The following SORCS2 variants were observed in gnomAD, a reference collection of about 807,000 sequenced individuals.
SORCS2 encodes the protein sortilin related VPS10 domain containing receptor 2.
Under a neutral mutation model 141.6 loss-of-function variants are expected in SORCS2, and 100 were observed. That is an observed-to-expected ratio of 0.71 (90% CI 0.60 to 0.83). The LOEUF (loss-of-function observed/expected upper bound fraction) is 0.83, where lower values mean the gene tolerates loss of function less well. Among genes scored for constraint, SORCS2 ranks in the 40% least tolerant of loss-of-function variants. The pLI is 0.00. For missense variants in SORCS2, 1,646 were observed against 1,560.2 expected (o/e 1.05, Z -0.93); for synonymous variants, 789 against 676.9 (o/e 1.17, Z -2.57).
At chr4:7,202,496 C>T (rs570118395) in intron 1 of SORCS2, among the ~76,000 whole-genome samples, 2 of 152,346 alleles carry the variant, frequency 1.3e-5, no homozygotes, top group East Asian at 3.9e-4. Flanking sequence ...CTCACACCAG[C>T]TCGAAGATCT....
intron 2 of SORCS2, among the ~76,000 whole-genome samples, chr4:7,503,961 G>A (rs1053302935): frequency 2.0e-5 from 3 of 152,134 alleles, no homozygotes; most frequent in East Asian, 1.9e-4. Flanking sequence ...CCTCCCTGTC[G>A]GACTTGGTCT....
chr4:7,667,483 A>G (rs1722571168), intron 8 of SORCS2, among the ~76,000 whole-genome samples: 1 of 152,110 alleles, frequency 6.6e-6, no homozygotes, highest in Admixed American at 6.6e-5. Flanking sequence ...ACCCTTGCAC[A>G]TGTGGTATTT....
intron 2 of SORCS2, among the ~76,000 whole-genome samples, chr4:7,463,179 A>C (rs919094388): frequency 1.3e-5 from 2 of 151,994 alleles, no homozygotes; most frequent in Admixed American, 1.3e-4. Flanking sequence ...GGTGCTGACC[A>C]CTCTGTTGAG....
At chr4:7,473,175 G>A (rs1421321315) in intron 2 of SORCS2, among the ~76,000 whole-genome samples, 1 of 152,174 alleles carries the variant, frequency 6.6e-6, no homozygotes, top group Non-Finnish European at 1.5e-5. Flanking sequence ...ACTGCTTCCA[G>A]AACAAACATC....
chr4:7,526,716 C>T (rs982922066), intron 2 of SORCS2, among the ~76,000 whole-genome samples: 1 of 152,116 alleles, frequency 6.6e-6, no homozygotes, highest in Non-Finnish European at 1.5e-5. Context: ...ATTGTAAGAG[C>T]GAGTCTCTCA....
intron 9 of SORCS2, 113 bp from the exon 10 acceptor site, chr4:7,682,630 G>C (rs967749158): frequency 1.9e-6 from 2 of 1,053,792 alleles, no homozygotes; most frequent in East Asian, 5.2e-5. Context: ...TTGTGACTGT[G>C]AAATGAGGCC....
chr4:7,303,763 C>T (rs1717601286), intron 1 of SORCS2, among the ~76,000 whole-genome samples: 1 of 152,254 alleles, frequency 6.6e-6, no homozygotes, highest in South Asian at 2.1e-4. Flanking sequence ...AGGAAAACAC[C>T]TTCTAAGGCC....
intron 2 of SORCS2, among the ~76,000 whole-genome samples, chr4:7,426,211 G>C (rs189539033): frequency 5.6e-4 from 85 of 152,338 alleles, no homozygotes; most frequent in African/African-American, 1.4e-3. Context: ...TTTACCTTGT[G>C]GGGGGAAGCC....
chr4:7,397,602 C>G (rs969855300), intron 2 of SORCS2, among the ~76,000 whole-genome samples: 64 of 152,264 alleles, frequency 4.2e-4, no homozygotes, highest in African/African-American at 1.3e-3. Context: ...GCTTTGTGTG[C>G]TGGTGGGGTT....
chr4:7,429,492 A>G (rs146161350), intron 2 of SORCS2, among the ~76,000 whole-genome samples: 52 of 152,382 alleles, frequency 3.4e-4, no homozygotes, highest in African/African-American at 1.2e-3. Flanking sequence ...TGGAAATCAC[A>G]GTGTAACTTA....
intron 3 of SORCS2, among the ~76,000 whole-genome samples, chr4:7,612,648 C>G: frequency 6.6e-6 from 1 of 152,206 alleles, no homozygotes; most frequent in East Asian, 1.9e-4. Context: ...GGAGCTCTTG[C>G]CACCTGCCTC....
At chr4:7,498,417 C>T (rs1403308562) in intron 2 of SORCS2, among the ~76,000 whole-genome samples, 2 of 152,242 alleles carry the variant, frequency 1.3e-5, no homozygotes, top group South Asian at 2.1e-4. Context: ...CCAGAATGTA[C>T]AGGCAAGACG....
intron 4 of SORCS2, among the ~76,000 whole-genome samples, chr4:7,641,054 C>G (rs973932839): frequency 1.3e-5 from 2 of 152,310 alleles, no homozygotes; most frequent in South Asian, 2.1e-4. Context: ...AAGGCAAACA[C>G]AAGCTGCCCA....
intron 2 of SORCS2, among the ~76,000 whole-genome samples, chr4:7,404,588 T>A (rs1724850047): frequency 6.6e-6 from 1 of 152,232 alleles, no homozygotes. Context: ...TAATTTGCAT[T>A]TCTCTGATGA....
intron 1 of SORCS2, among the ~76,000 whole-genome samples, chr4:7,279,676 C>T (rs1337587402): frequency 1.3e-5 from 2 of 152,160 alleles, no homozygotes; most frequent in Admixed American, 6.5e-5. Context: ...GATTGAGTGT[C>T]CAGCCGCGGA....
At chr4:7,607,545 C>G (rs1718140854) in intron 3 of SORCS2, among the ~76,000 whole-genome samples, 1 of 152,174 alleles carries the variant, frequency 6.6e-6, no homozygotes, top group African/African-American at 2.4e-5. Context: ...ATCCTTACAA[C>G]AGCCCTGAGT....
intron 1 of SORCS2, among the ~76,000 whole-genome samples, chr4:7,385,024 G>C (rs1723207476): frequency 6.6e-6 from 1 of 152,206 alleles, no homozygotes; most frequent in Non-Finnish European, 1.5e-5. Context: ...GATGCTCTGC[G>C]GGCATTTGTG....
intron 3 of SORCS2, among the ~76,000 whole-genome samples, chr4:7,582,789 C>G (rs1401816451): frequency 6.6e-6 from 1 of 152,206 alleles, no homozygotes; most frequent in Non-Finnish European, 1.5e-5. Flanking sequence ...TGAATGCCTC[C>G]TTCCACCTGG....
intron 2 of SORCS2, among the ~76,000 whole-genome samples, chr4:7,488,973 G>T (rs887081426): frequency 6.6e-6 from 1 of 152,204 alleles, no homozygotes; most frequent in South Asian, 2.1e-4. Flanking sequence ...TTACGTATTC[G>T]TGCTTTTTCA....
Sources: allele counts gnomAD v4.1 joint callset (sites outside exome capture counted in the v4.1 genomes callset), GRCh38; gene constraint gnomAD v4.1.1; transcripts MANE v1.5; gene names NCBI Gene and HGNC (gene_info 2026-07-23, HGNC 2026-07-21).